The following INTS9 variants were observed in gnomAD, a reference collection of about 807,000 sequenced individuals.
The protein encoded by INTS9 is protein related to CPSF subunits of 74 kDa.
A neutral mutation model predicts 79.7 loss-of-function variants in INTS9; 55 were observed. The observed-to-expected ratio is 0.69, with a 90% CI of 0.56 to 0.86. INTS9 has a LOEUF of 0.86. Ranked by LOEUF, INTS9 falls within the 40% of genes least tolerant of loss-of-function variation. The probability of loss-of-function intolerance (pLI) is 0.00; values close to 1 mark genes in which losing one functional copy is unlikely to be tolerated. For synonymous variants in INTS9, 319 were observed against 325.2 expected, an observed-to-expected ratio of 0.98 and a Z score of 0.20; for missense variants, 721 against 831.5, an observed-to-expected ratio of 0.87 and a Z score of 1.64.
chr8:28,872,067 T>C (rs552967217), intron 1 of INTS9, among the ~76,000 whole-genome samples: 5 of 152,320 alleles, frequency 3.3e-5, no homozygotes, highest in Admixed American at 6.5e-5. Flanking sequence ...AGTCCATACA[T>C]TGGCAAAGAA....
intron 4 of INTS9, among the ~76,000 whole-genome samples, chr8:28,846,376 T>C (rs1807515960): frequency 6.6e-6 from 1 of 152,238 alleles, no homozygotes; most frequent in South Asian, 2.1e-4. Flanking sequence ...TTACTAGCAA[T>C]TGTCAATTAC....
At chr8:28,837,354 T>C (rs967603468) in intron 5 of INTS9, among the ~76,000 whole-genome samples, 2 of 152,194 alleles carry the variant, frequency 1.3e-5, no homozygotes, top group African/African-American at 2.4e-5. Context: ...TTTCTAAACA[T>C]TACCTCCCCT....
At chr8:28,773,482 T>A (rs1226365279) in intron 14 of INTS9, among the ~76,000 whole-genome samples, 1 of 138,528 alleles carries the variant, frequency 7.2e-6, no homozygotes, top group African/African-American at 2.7e-5. Flanking sequence ...AAAAAAAAAA[T>A]CTATGAAAAA....
chr8:28,879,099 T>C (rs569126956), intron 1 of INTS9, among the ~76,000 whole-genome samples: 1 of 152,210 alleles, frequency 6.6e-6, no homozygotes, highest in African/African-American at 2.4e-5. Flanking sequence ...CAATATTACC[T>C]GATACCAATG....
At chr8:28,822,049 G>A (rs571612752) in intron 6 of INTS9, among the ~76,000 whole-genome samples, 1 of 152,294 alleles carries the variant, frequency 6.6e-6, no homozygotes, top group South Asian at 2.1e-4. Context: ...TTATGGGCAT[G>A]ACTGATATCT....
intron 15 of INTS9, 147 bp from the exon 16 acceptor site, chr8:28,770,173 C>A: frequency 9.9e-7 from 1 of 1,005,906 alleles, no homozygotes; most frequent in East Asian, 2.6e-5. Flanking sequence ...GGTTCAGGTT[C>A]CCTGGCTGCC....
chr8:28,777,676 G>C (rs1462463463), intron 13 of INTS9, among the ~76,000 whole-genome samples, 153 bp downstream of exon 13: 2 of 152,128 alleles, frequency 1.3e-5, no homozygotes, highest in Non-Finnish European at 2.9e-5. Context: ...CAGTGTGGAG[G>C]GGGGCTGGCA....
intron 8 of INTS9, chr8:28,798,702 T>A (rs1379913145): frequency 2.0e-5 from 3 of 152,162 alleles, no homozygotes; most frequent in Admixed American, 2.0e-4. Flanking sequence ...TTTCACCATG[T>A]TGGCCAGGCT....
chr8:28,875,393 C>T (rs1809326989), intron 1 of INTS9, among the ~76,000 whole-genome samples: 2 of 152,206 alleles, frequency 1.3e-5, no homozygotes, highest in South Asian at 2.1e-4. Context: ...TAACACATAA[C>T]ACTCCTTCTT....
intron 4 of INTS9, among the ~76,000 whole-genome samples, chr8:28,840,946 AAAAT>A (rs1173921000): frequency 5.9e-5 from 9 of 151,958 alleles, no homozygotes; most frequent in East Asian, 1.9e-4. Flanking sequence ...TATAATTAAA[AAAAT>A]AAATAAAGTA....
chr8:28,869,269 T>C (rs1808937591), intron 1 of INTS9, among the ~76,000 whole-genome samples: 1 of 152,212 alleles, frequency 6.6e-6, no homozygotes, highest in Non-Finnish European at 1.5e-5. Flanking sequence ...GTCGAACTTC[T>C]GGGCTCCAGC....
chr8:28,846,583 C>A (rs750844507), intron 4 of INTS9, among the ~76,000 whole-genome samples, 164 bp downstream of exon 4: 1 of 152,150 alleles, frequency 6.6e-6, no homozygotes, highest in Non-Finnish European at 1.5e-5. Flanking sequence ...ATATAAAAAG[C>A]TGCTAAATGA....
chr8:28,868,148 A>G (rs1808867161), intron 1 of INTS9, among the ~76,000 whole-genome samples: 1 of 152,238 alleles, frequency 6.6e-6, no homozygotes, highest in African/African-American at 2.4e-5. Context: ...TTGAATTGGT[A>G]AGAATGCAGA....
chr8:28,865,898 T>C (rs776396187), intron 1 of INTS9, among the ~76,000 whole-genome samples: 1 of 152,158 alleles, frequency 6.6e-6, no homozygotes, highest in Non-Finnish European at 1.5e-5. Context: ...ATTAAATGCA[T>C]GTGGTAATGT....
At chr8:28,877,750 T>C (rs910519941) in intron 1 of INTS9, among the ~76,000 whole-genome samples, 2 of 152,214 alleles carry the variant, frequency 1.3e-5, no homozygotes, top group Non-Finnish European at 2.9e-5. Flanking sequence ...TTGAGATATA[T>C]TGACACTAGT....
chr8:28,850,823 T>C (rs1356961871), intron 2 of INTS9, among the ~76,000 whole-genome samples: 1 of 152,214 alleles, frequency 6.6e-6, no homozygotes, highest in Non-Finnish European at 1.5e-5. Flanking sequence ...GAGTTTCCAA[T>C]TCTGGAGAAT....
intron 2 of INTS9, among the ~76,000 whole-genome samples, chr8:28,858,119 C>G (rs895568219): frequency 1.3e-5 from 2 of 152,186 alleles, no homozygotes; most frequent in Admixed American, 6.5e-5. Context: ...TCGTCCAGTT[C>G]TCATCACCCA....
chr8:28,794,098 A>G, intron 9 of INTS9, 111 bp from the exon 10 acceptor site: 1 of 824,006 alleles, frequency 1.2e-6, no homozygotes, highest in Non-Finnish European at 1.8e-6. Flanking sequence ...TGTTTTTATG[A>G]TTTACTTACA....
chr8:28,855,468 A>C (rs1808099147), intron 2 of INTS9, among the ~76,000 whole-genome samples: 1 of 152,270 alleles, frequency 6.6e-6, no homozygotes, highest in Non-Finnish European at 1.5e-5. Flanking sequence ...TTGGCATGGT[A>C]TTCCTACCAA....
Sources: gnomAD v4.1 joint callset for allele counts (sites outside exome capture counted in the v4.1 genomes callset) on GRCh38, gnomAD v4.1.1 for gene constraint, MANE v1.5 for transcripts, NCBI Gene and HGNC (gene_info 2026-07-23, HGNC 2026-07-21) for gene names.